BEND6: variants seen among roughly 807,000 people sequenced by gnomAD.
The protein encoded by BEND6 is BEN domain containing 6.
A neutral mutation model predicts 31.8 loss-of-function variants in BEND6; 24 were observed. The ratio of observed to expected loss-of-function variants is 0.75; its 90% CI spans 0.55 to 1.06. The LOEUF (loss-of-function observed/expected upper bound fraction) is 1.06, where lower values mean the gene tolerates loss of function less well. Ranked by LOEUF, BEND6 falls within the 50% of genes least tolerant of loss-of-function variation. The pLI is 0.00. For synonymous variants in BEND6, 109 were observed against 114.6 expected (o/e 0.95, Z 0.31); for missense variants, 294 against 327.4 (o/e 0.90, Z 0.79).
At chr6:57,014,724 G>A (rs1433097396) in intron 3 of BEND6, among the ~76,000 whole-genome samples, 2 of 152,012 alleles carry the variant, frequency 1.3e-5, no homozygotes, top group Non-Finnish European at 2.9e-5. Context: ...TTTTATCTTG[G>A]CACATAAACA....
At chr6:57,020,570 G>A (rs1034600762) in intron 6 of BEND6, among the ~76,000 whole-genome samples, 13 of 151,946 alleles carry the variant, frequency 8.6e-5, no homozygotes, top group African/African-American at 2.9e-4. Context: ...ACAGGCCCGC[G>A]CCACCACACA....
intron 1 of BEND6, among the ~76,000 whole-genome samples, chr6:56,978,720 T>C (rs1302066983): frequency 6.6e-6 from 1 of 152,196 alleles, no homozygotes; most frequent in Non-Finnish European, 1.5e-5. Context: ...TTTGATAGCT[T>C]AGCAGTGGCA....
intron 1 of BEND6, among the ~76,000 whole-genome samples, chr6:56,973,427 T>A (rs779528705): frequency 6.6e-6 from 1 of 152,228 alleles, no homozygotes. Flanking sequence ...TGTACCGAAC[T>A]CTATATATAC....
At chr6:57,010,664 C>A in intron 3 of BEND6, 1 of 925,954 alleles carries the variant, frequency 1.1e-6, no homozygotes, top group Non-Finnish European at 1.3e-6. Context: ...ATTTTTGTTT[C>A]TGTTTAAAAT....
At chr6:56,986,536 T>C (rs1826281278) in intron 2 of BEND6, among the ~76,000 whole-genome samples, 1 of 152,224 alleles carries the variant, frequency 6.6e-6, no homozygotes, top group Non-Finnish European at 1.5e-5. Flanking sequence ...TTTCTATAAC[T>C]GATCTCATCT....
Position 57,007,615 on chromosome 6 carries a change from A to G in BEND6, c.299-7518A>G, listed in dbSNP as rs546017900. Among the ~76,000 whole-genome samples, 12 of 152,292 alleles carry G rather than the reference A, an allele frequency of 7.9e-5. 1 individual carries two copies. In the South Asian group the frequency reaches 2.5e-3, roughly 32 times the overall value. ...AGCATGGGCAACATAGCAAGACCCT[A>G]TCTCTACAAAAAACAAATTTTTTTT... On this transcript the variant is annotated intron_variant, in intron 3 of 6. Transcript: ENST00000370746.
chr6:56,968,075 A>G (rs1825548079), intron 1 of BEND6, among the ~76,000 whole-genome samples: 1 of 152,204 alleles, frequency 6.6e-6, no homozygotes, highest in Non-Finnish European at 1.5e-5. Context: ...CAAGGATGTC[A>G]TATAGGTCAG....
chr6:57,010,822 GAC>G lies in BEND6; in HGVS notation c.299-4310_299-4309del, dbSNP rs796297709. 8.8e-6 allele frequency: 7 copies of G among 792,602 alleles called. No homozygotes were observed. The African/African-American group carries it at 1.3e-4, about 15-fold the overall frequency. The allele number at this position is 792,602 out of a possible 1,614,324, so 49.1% of individuals were successfully genotyped here. ...ATAAATGGATAATATACTAAGAAAA[GAC>G]TGCTACTTTCAACTAAAATGAAAAT... On this transcript the variant is annotated intron_variant, in intron 3 of 6. Coordinates refer to ENST00000370746, the MANE Select transcript of BEND6 (RefSeq NM_152731.3).
chr6:57,015,254 G>A lies in BEND6; in HGVS notation c.420G>A (p.Ser140=), dbSNP rs547117478. 7.0e-5 allele frequency: 113 copies of A among 1,614,044 alleles called. 1 individual carries two copies. In the South Asian group the frequency reaches 9.6e-4, roughly 14 times the overall value. Residue 140 remains serine (S), a synonymous_variant, in exon 4 of 7, where the codon TCG becomes TCA. Coordinates refer to ENST00000370746, the MANE Select transcript of BEND6 (RefSeq NM_152731.3). ...TCTGGAGAGCAACAAACAACTCCTC[G>A]CCAGATTCATTTGCCTCAACATGCA... The part of the protein sequence containing the change: ...STLWRATNNS[S]PDSFASTCSN...
At chr6:57,011,499 C>G (rs1225756632) in intron 3 of BEND6, among the ~76,000 whole-genome samples, 1 of 151,918 alleles carries the variant, frequency 6.6e-6, no homozygotes, top group Non-Finnish European at 1.5e-5. Flanking sequence ...GGGAGGATCA[C>G]TTGAGCCCAG....
chr6:57,017,891 A>G (rs1827618676), intron 5 of BEND6, among the ~76,000 whole-genome samples: 1 of 152,174 alleles, frequency 6.6e-6, no homozygotes, highest in Non-Finnish European at 1.5e-5. Context: ...ATTTCTTAAC[A>G]TACAACAATG....
At chr6:57,023,913 T>C (rs1827826580) in intron 6 of BEND6, among the ~76,000 whole-genome samples, 1 of 152,220 alleles carries the variant, frequency 6.6e-6, no homozygotes, top group Non-Finnish European at 1.5e-5. Flanking sequence ...GGTTAAATGA[T>C]TTTCTCTGGT....
chr6:56,973,376 G>T (rs942721004), intron 1 of BEND6, among the ~76,000 whole-genome samples: 6 of 152,176 alleles, frequency 3.9e-5, no homozygotes, highest in Admixed American at 1.3e-4. Context: ...ATCCACGGAA[G>T]ATGCATTCTA....
At chr6:56,997,869 A>T (rs191281571) in intron 3 of BEND6, among the ~76,000 whole-genome samples, 6 of 152,302 alleles carry the variant, frequency 3.9e-5, no homozygotes, top group Admixed American at 3.9e-4. Context: ...TCATTTAGTA[A>T]ATATTTATAA....
chr6:56,957,854 TCC>T (rs1458930859), intron 1 of BEND6, among the ~76,000 whole-genome samples: 1 of 152,178 alleles, frequency 6.6e-6, no homozygotes, highest in East Asian at 1.9e-4. Flanking sequence ...TAGCCCTTCT[TCC>T]CTTTAGATTC....
At chr6:56,984,311 T>A (rs2127855062) in intron 2 of BEND6, among the ~76,000 whole-genome samples, 1 of 152,322 alleles carries the variant, frequency 6.6e-6, no homozygotes, top group Non-Finnish European at 1.5e-5. Flanking sequence ...TTATACCTTG[T>A]AAGTTATATG....
At chr6:56,965,968 A>T (rs1045056252) in intron 1 of BEND6, among the ~76,000 whole-genome samples, 3 of 152,188 alleles carry the variant, frequency 2.0e-5, no homozygotes, top group Non-Finnish European at 4.4e-5. Flanking sequence ...AGATGAATAG[A>T]AAGTTCCACA....
At chr6:57,014,382 C>A in intron 3 of BEND6, 1 of 816,076 alleles carries the variant, frequency 1.2e-6, no homozygotes, top group Non-Finnish European at 1.8e-6. Context: ...CAGGCTGTGC[C>A]CTCAACCATA....
At chr6:56,975,665 A>G (rs1825846512) in intron 1 of BEND6, 3 of 418,616 alleles carry the variant, frequency 7.2e-6, no homozygotes, top group East Asian at 1.2e-4. Flanking sequence ...GAAAAAACTC[A>G]GTAGGACACA....
Sources: allele counts gnomAD v4.1 joint callset (sites outside exome capture counted in the v4.1 genomes callset), GRCh38; gene constraint gnomAD v4.1.1; transcripts MANE v1.5; gene names NCBI Gene and HGNC (gene_info 2026-07-23, HGNC 2026-07-21).